MIPEP: variants seen among roughly 807,000 people sequenced by gnomAD.
The protein encoded by MIPEP is mitochondrial intermediate peptidase.
MIPEP carries 79 observed loss-of-function variants against 90.3 expected under a neutral mutation model. The observed-to-expected ratio is 0.87, with a 90% CI of 0.73 to 1.05. MIPEP has a LOEUF of 1.05. MIPEP is among the 50% of genes least tolerant of loss of function. MIPEP has a pLI of 0.00. For synonymous variants in MIPEP, 334 were observed against 315.8 expected (o/e 1.06, Z -0.61); for missense variants, 940 against 905.6 (o/e 1.04, Z -0.49).
At chr13:23,837,160 CT>C (rs1869090339) in intron 13 of MIPEP, among the ~76,000 whole-genome samples, 2 of 152,166 alleles carry the variant, frequency 1.3e-5, no homozygotes, top group Admixed American at 1.3e-4. Flanking sequence ...TTTAAGCATG[CT>C]TTATTTTCTT....
rs959118988 is a variant in MIPEP at position 23,773,441 on chromosome 13, A to G, written c.1849-13224T>C. On this transcript the variant is annotated intron_variant, in intron 16 of 18. Transcript: ENST00000382172. Reference sequence around the variant, plus strand: ...TTTGTGCATACATTTTTGGGTGGGCATATGTTTTCAGTTCTATTGGGTGAG... The same window carrying G: ...TTTGTGCATACATTTTTGGGTGGGCGTATGTTTTCAGTTCTATTGGGTGAG... Among the ~76,000 whole-genome samples, 7 of 152,218 alleles carry G rather than the reference A, an allele frequency of 4.6e-5. No homozygotes were observed. The East Asian group carries it at 1.2e-3, about 25-fold the overall frequency.
At chr13:23,831,866 G>A (rs765632428) in intron 14 of MIPEP, among the ~76,000 whole-genome samples, 6 of 152,134 alleles carry the variant, frequency 3.9e-5, no homozygotes, top group East Asian at 1.9e-4. Context: ...TAGACTGCAC[G>A]GTGAAGGTGC....
At chr13:23,879,415 C>T in intron 3 of MIPEP, 61 bp from the exon 4 acceptor site, 3 of 908,150 alleles carry the variant, frequency 3.3e-6, no homozygotes, top group South Asian at 3.0e-5. Flanking sequence ...TTTAACTTTA[C>T]ATGAAAAGAA....
intron 10 of MIPEP, among the ~76,000 whole-genome samples, chr13:23,852,578 C>G (rs1365724130): frequency 6.6e-6 from 1 of 152,190 alleles, no homozygotes; most frequent in African/African-American, 2.4e-5. Flanking sequence ...TGTGGTGATG[C>G]TGGTGTAAAC....
chr13:23,753,646 G>GA (rs1178169082), intron 18 of MIPEP, among the ~76,000 whole-genome samples: 5 of 152,124 alleles, frequency 3.3e-5, no homozygotes, highest in Non-Finnish European at 5.9e-5. Context: ...AAACATCAGG[G>GA]AAAAAAGAAA....
chr13:23,805,250 G>C (rs896492051), intron 16 of MIPEP, among the ~76,000 whole-genome samples: 5 of 152,138 alleles, frequency 3.3e-5, no homozygotes, highest in African/African-American at 1.2e-4. Flanking sequence ...GAGTCACGGT[G>C]CTCAACTGCT....
intron 16 of MIPEP, among the ~76,000 whole-genome samples, chr13:23,797,211 C>T (rs1221295460): frequency 3.3e-5 from 5 of 152,130 alleles, no homozygotes; most frequent in Admixed American, 1.3e-4. Context: ...TCCCCTCATC[C>T]TACACAGCAA....
At chr13:23,730,609 T>A (rs886609384) in intron 18 of MIPEP, among the ~76,000 whole-genome samples, 164 bp from the exon 19 acceptor site, 1 of 152,250 alleles carries the variant, frequency 6.6e-6, no homozygotes, top group Non-Finnish European at 1.5e-5. Context: ...ATGGGCAGTG[T>A]GTGGGCCTTG....
chr13:23,877,864 T>C (rs1871132214), intron 4 of MIPEP, among the ~76,000 whole-genome samples: 2 of 152,202 alleles, frequency 1.3e-5, no homozygotes, highest in African/African-American at 2.4e-5. Flanking sequence ...TACTTCAAAT[T>C]CTTCTTCTCT....
intron 14 of MIPEP, among the ~76,000 whole-genome samples, chr13:23,814,756 A>G (rs1953214938): frequency 1.3e-5 from 2 of 152,184 alleles, no homozygotes; most frequent in South Asian, 2.1e-4. Context: ...ACAATATCCA[A>G]TTAATCAAGA....
intron 18 of MIPEP, among the ~76,000 whole-genome samples, chr13:23,731,252 A>G (rs187951312): frequency 6.6e-5 from 10 of 152,286 alleles, no homozygotes; most frequent in African/African-American, 2.4e-5. Flanking sequence ...CTGTAAAACC[A>G]TTTTCAAAAT....
chr13:23,838,232 C>T (rs1222236095), intron 12 of MIPEP, among the ~76,000 whole-genome samples: 6 of 152,104 alleles, frequency 3.9e-5, no homozygotes, highest in African/African-American at 1.2e-4. Flanking sequence ...CAGCCTGGAC[C>T]TCCTGGGCTC....
At chr13:23,786,267 T>C (rs185770846) in intron 16 of MIPEP, among the ~76,000 whole-genome samples, 3 of 152,286 alleles carry the variant, frequency 2.0e-5, no homozygotes, top group Admixed American at 2.0e-4. Context: ...CCAAATTTCA[T>C]ACTTTACATC....
At chr13:23,874,767 T>C (rs893013027) in intron 5 of MIPEP, 79 bp downstream of exon 5, 11 of 1,231,902 alleles carry the variant, frequency 8.9e-6, no homozygotes, top group African/African-American at 1.6e-5. Context: ...AAGCAATATA[T>C]ACAAGGACTG....
intron 18 of MIPEP, among the ~76,000 whole-genome samples, chr13:23,750,353 C>T (rs556579965): frequency 9.2e-5 from 14 of 152,264 alleles, no homozygotes; most frequent in South Asian, 2.1e-4. Flanking sequence ...ATGTAGCTGC[C>T]GTGTCTCCTT....
chr13:23,775,109 CTGTGTGTGTGTGTGTG>C (rs57354012), intron 16 of MIPEP, among the ~76,000 whole-genome samples: 22 of 149,094 alleles, frequency 1.5e-4, no homozygotes, highest in African/African-American at 4.2e-4. Flanking sequence ...TATCAGTTCT[CTGTGTGTGTGTGTGTG>C]TGTGTGTGTG....
At chr13:23,868,506 CCT>C (rs1228331054) in intron 7 of MIPEP, among the ~76,000 whole-genome samples, 1 of 152,036 alleles carries the variant, frequency 6.6e-6, no homozygotes, top group Non-Finnish European at 1.5e-5. Context: ...CCCAGTGTCC[CCT>C]CTGTCGGTGA....
chr13:23,826,140 A>G (rs1022126075), intron 14 of MIPEP, among the ~76,000 whole-genome samples: 1 of 152,184 alleles, frequency 6.6e-6, no homozygotes, highest in Admixed American at 6.5e-5. Context: ...GGAATTGTTC[A>G]TCGGGGAAAC....
At chr13:23,858,812 T>C (rs1870157444) in intron 10 of MIPEP, 48 bp downstream of exon 10, 1 of 1,528,700 alleles carries the variant, frequency 6.5e-7, no homozygotes. Context: ...GAATAAACAT[T>C]AGTTTCCTTT....
Sources: gnomAD v4.1 joint callset for allele counts (sites outside exome capture counted in the v4.1 genomes callset) on GRCh38, gnomAD v4.1.1 for gene constraint, MANE v1.5 for transcripts, NCBI Gene and HGNC (gene_info 2026-07-23, HGNC 2026-07-21) for gene names.